Variants in CRTC2 observed in about 807,000 individuals in gnomAD.
CRTC2 encodes the protein CREB-regulated transcription coactivator 2.
Under a neutral mutation model 70.9 loss-of-function variants are expected in CRTC2, and 25 were observed. That is an observed-to-expected ratio of 0.35 (90% CI 0.26 to 0.49). CRTC2 has a LOEUF of 0.49. Among genes scored for constraint, CRTC2 ranks in the 20% least tolerant of loss-of-function variants. The probability of loss-of-function intolerance (pLI) is 0.98; values close to 1 mark genes in which losing one functional copy is unlikely to be tolerated. For synonymous variants in CRTC2, 330 were observed against 364.1 expected (o/e 0.91, Z 1.07); for missense variants, 737 against 882.6 (o/e 0.83, Z 2.09).
intron 5 of CRTC2, 31 bp downstream of exon 5, chr1:153,953,507 G>T: frequency 6.3e-7 from 1 of 1,595,498 alleles, no homozygotes; most frequent in Non-Finnish European, 8.6e-7. Flanking sequence ...ACAGATAAGA[G>T]ATCTGGCCTA....
In CRTC2 at chr1:153,949,206, T is replaced by G; in HGVS notation, c.1583A>C (p.Gln528Pro). Residue 528 changes from glutamine to proline, a missense_variant, in exon 12 of 14, where the codon CAG becomes CCG. Physicochemically the swap from Gln to Pro is moderately conservative, Grantham distance 76. Transcript: ENST00000368633. ...QSSGGQPPGR[Q>P]SHYGTPYPPG... ...TGGGTACGGTGTCCCATAATGAGACTGCCTGCCTGGGGGCTGCCCACCTGA... is the reference window on the plus strand; with the variant it reads ...TGGGTACGGTGTCCCATAATGAGACGGCCTGCCTGGGGGCTGCCCACCTGA... 6.2e-7 allele frequency: 1 copy of G among 1,614,130 alleles called. No individual in the cohort carries two copies. The highest frequency in any genetic ancestry group is 8.5e-7 in the Non-Finnish European group (1 of 1,180,010).
In CRTC2 at chr1:153,955,159, G is replaced by A. The variant is rs777779021; in HGVS notation, c.161C>T (p.Ala54Val). The change falls in exon 2 of 14, where the codon GCC (alanine) becomes GTC (valine). Residue 54 changes from alanine (A) to valine (V), a missense_variant. Around this residue, in one of 3 missense-constraint regions of CRTC2, gnomAD observed 699 missense variants for 823.7 expected, o/e 0.85. Coordinates refer to ENST00000368633, the MANE Select transcript of CRTC2 (RefSeq NM_181715.3). ...MMDIGSTRLQ[A>V]QKLRLAYTRS... ...TGTGTATGCCAGTCGCAGTTTTTGG[G>A]CCTGTAACTGAGACATGGGGAACAA... is the stretch of plus-strand genomic sequence containing the variant. 1 of 1,613,184 alleles carries A rather than the reference G, an allele frequency of 6.2e-7. No individual in the cohort carries two copies. The highest frequency in any genetic ancestry group is 8.5e-7 in the Non-Finnish European group (1 of 1,179,322).
Position 153,952,145 on chromosome 1 carries a change from G to C in CRTC2, c.870C>G (p.Pro290=), listed in dbSNP as rs772620203. The C allele has an allele frequency of 1.2e-5, 19 of 1,614,054 alleles. No individual in the cohort carries two copies. Among genetic ancestry groups the C allele is most frequent in the East Asian group, 2.2e-5 (1 of 44,898 alleles). ...GGTAGGCTGTCTCTTCAGGGTCCAG[G>C]GGGGTGGGCAGTGGTGGGGGAAAGT... ...NLHFPPPLPT[P]LDPEETAYPS... Residue 290 remains proline, a synonymous_variant, in exon 10 of 14, where the codon CCC becomes CCG. Coordinates refer to ENST00000368633, the MANE Select transcript of CRTC2 (RefSeq NM_181715.3).
At chr1:153,949,456 A>T (rs1680207438) in intron 11 of CRTC2, 72 bp from the exon 12 acceptor site, 1 of 1,464,002 alleles carries the variant, frequency 6.8e-7, no homozygotes, top group African/African-American at 1.4e-5. Context: ...AGAGCTTCCC[A>T]CCTTCTTTAG....
Position 153,948,345 on chromosome 1 carries a change from A to C in CRTC2, c.1862-16T>G. The C allele has an allele frequency of 6.2e-7, 1 of 1,614,106 alleles. No homozygotes were observed. Among genetic ancestry groups the C allele is most frequent in the Non-Finnish European group, 8.5e-7 (1 of 1,179,924 alleles). ...GAGGAGTCCCCTGTGGGTAGAAGAGACAGGTGAGGACCCCATGTCCTGTAA... is the reference window on the plus strand; with the variant it reads ...GAGGAGTCCCCTGTGGGTAGAAGAGCCAGGTGAGGACCCCATGTCCTGTAA... On this transcript the variant is annotated splice_polypyrimidine_tract_variant and intron_variant, in intron 13 of 13. Transcript: ENST00000368633.
At chr1:153,954,721 G>T (rs913728365) in intron 3 of CRTC2, 152 bp downstream of exon 3, 10 of 678,490 alleles carry the variant, frequency 1.5e-5, no homozygotes, top group Non-Finnish European at 2.6e-5. Context: ...AGGTGCTGAC[G>T]CAGGGGCTAT....
Position 153,958,534 on chromosome 1 carries a change from CCAGCCGCGGCCTCCGCCGCGGCCT to C in CRTC2, c.-61_-38del. The C allele has an allele frequency of 1.3e-6, 2 of 1,550,908 alleles. No individual in the cohort carries two copies. Among genetic ancestry groups the C allele is most frequent in the South Asian group, 2.4e-5 (2 of 84,868 alleles). ...GTCCCTCCCTGCCACCCTCCCAGTA[CCAGCCGCGGCCTCCGCCGCGGCCT>C]CGGCCCGGCTCCTCCAGCCGTAGCC... On this transcript the variant is annotated 5_prime_UTR_variant, in exon 1 of 14. Coordinates refer to ENST00000368633, the MANE Select transcript of CRTC2 (RefSeq NM_181715.3).
chr1:153,950,854 AG>A (rs1680279155), intron 11 of CRTC2, among the ~76,000 whole-genome samples: 1 of 152,222 alleles, frequency 6.6e-6, no homozygotes, highest in African/African-American at 2.4e-5. Context: ...ACAGGAACAG[AG>A]GAGGCAAATA....
Position 153,951,425 on chromosome 1 carries a change from G to A in CRTC2, c.1239C>T (p.Ala413=). 6.2e-7 allele frequency: 1 copy of A among 1,605,082 alleles called. No homozygotes were observed. The highest frequency in any genetic ancestry group is 8.5e-7 in the Non-Finnish European group (1 of 1,175,452). The stretch of plus-strand genomic sequence containing the variant: ...CAGGGGTAGAAGCAGGGTAAGAGGG[G>A]GCGCCCAAAACAGGAGATGAAGTGG... The part of the protein sequence containing the change: ...SSSTSSPVLG[A]PSYPASTPGA... The change falls in exon 11 of 14, where the codon GCC becomes GCT. Residue 413 remains alanine, a synonymous_variant. Coordinates refer to ENST00000368633, the MANE Select transcript of CRTC2 (RefSeq NM_181715.3).
chr1:153,949,033 G>A lies in CRTC2; in HGVS notation c.1674+82C>T, dbSNP rs549007441. 10 of 1,453,558 alleles carry A rather than the reference G, an allele frequency of 6.9e-6. No individual in the cohort carries two copies. The African/African-American group carries it at 1.4e-4, about 21-fold the overall frequency. The allele number at this position is 1,453,558 out of a possible 1,614,324, so 90.0% of individuals were successfully genotyped here. A position where few individuals can be genotyped will look rare whatever the true frequency, so the allele number is the denominator to read the frequency against. ...CCCCACCTAGATCTCCCCATTCACAGTGCACCAGCCATGCCATTCAGGCCC... is the reference window on the plus strand; with the variant it reads ...CCCCACCTAGATCTCCCCATTCACAATGCACCAGCCATGCCATTCAGGCCC... On this transcript the variant is annotated intron_variant, in intron 12 of 13. Transcript: ENST00000368633.
At position 153,953,597 on chromosome 1, in the gene CRTC2, G is replaced by T. The variant is rs141182320; in HGVS notation, c.444C>A (p.Ala148=). 1.2e-5 allele frequency: 19 copies of T among 1,610,142 alleles called. No homozygotes were observed. In the African/African-American group the frequency reaches 2.3e-4, roughly 19 times the overall value. Reference sequence around the variant, plus strand: ...CCTTCTCTGCAGGGAAATTGCCCCAGGCCATCGTCCTGGGGTAGAAAAACA... The same window carrying T: ...CCTTCTCTGCAGGGAAATTGCCCCATGCCATCGTCCTGGGGTAGAAAAACA... The part of the protein sequence containing the change: ...PPESSWRRTM[A]WGNFPAEKGQ... Residue 148 remains alanine (A), a synonymous_variant, in exon 5 of 14, where the codon GCC becomes GCA. Transcript: ENST00000368633.
rs755494891 is a variant in CRTC2, at chr1:153,949,403, A to C, written c.1405-19T>G. On this transcript the variant is annotated intron_variant, in intron 11 of 13. Transcript: ENST00000368633. ...GGACGCCCTGAAAAGAAGTAAAAAG[A>C]GGGAAGCTTACTGCTCAGTGTATAC... 6.3e-6 allele frequency: 10 copies of C among 1,590,298 alleles called. No individual in the cohort carries two copies. In the South Asian group the frequency reaches 8.0e-5, roughly 13 times the overall value.
chr1:153,951,136 G>C, intron 11 of CRTC2, 124 bp downstream of exon 11: 2 of 1,053,802 alleles, frequency 1.9e-6, no homozygotes, highest in Admixed American at 4.3e-5. Context: ...GGCAGGCGGA[G>C]GACAGAGGAA....
chr1:153,953,196 A>T (rs1680448617), intron 6 of CRTC2, 70 bp downstream of exon 6: 6 of 829,844 alleles, frequency 7.2e-6, no homozygotes, highest in Non-Finnish European at 1.1e-5. Context: ...AAAGAAAGAA[A>T]TAATAAATAA....
intron 1 of CRTC2, among the ~76,000 whole-genome samples, chr1:153,956,324 C>T (rs1453691815): frequency 6.6e-6 from 1 of 152,266 alleles, no homozygotes; most frequent in East Asian, 1.9e-4. Context: ...CTCATCCTCA[C>T]TTTGGGGAGC....
rs760822150 is a variant in CRTC2, at chr1:153,952,029, T to C, written c.986A>G (p.Tyr329Cys). The change falls in exon 10 of 14, where the codon TAT (tyrosine) becomes TGT (cysteine). Residue 329 changes from tyrosine to cysteine, a missense_variant. Transcript: ENST00000368633. ...GGACAGTCACTCACCTGGTGCATCATAGCCTGGGCCCAGGCCCATGCCCCT... is the reference window on the plus strand; with the variant it reads ...GGACAGTCACTCACCTGGTGCATCACAGCCTGGGCCCAGGCCCATGCCCCT... Reference protein sequence around the residue: ...ISRGMGLGPGYDAPGLHSPLS... With the variant: ...ISRGMGLGPGCDAPGLHSPLS... 32 of 1,613,294 alleles carry C rather than the reference T, an allele frequency of 2.0e-5. No homozygotes were observed. The South Asian group carries it at 2.7e-4, about 14-fold the overall frequency.
chr1:153,951,233 A>C (rs1485664166), intron 11 of CRTC2, 27 bp downstream of exon 11: 2 of 1,610,702 alleles, frequency 1.2e-6, no homozygotes, highest in Non-Finnish European at 1.7e-6. Context: ...AGGGAGACAG[A>C]CATGCAGGGA....
rs754905634 is a variant in CRTC2, at chr1:153,958,454, G to A, written c.44C>T (p.Ser15Leu). The change falls in exon 1 of 14, where the codon TCG (serine) becomes TTG (leucine). Residue 15 changes from serine to leucine, a missense_variant. Ser to Leu is a moderately radical substitution (Grantham distance 145). Around this residue, in one of 3 missense-constraint regions of CRTC2, gnomAD observed 29 missense variants for 25.5 expected, o/e 1.14. Coordinates refer to ENST00000368633, the MANE Select transcript of CRTC2 (RefSeq NM_181715.3). ...ACTAAATTTGCGCGGATTGGAAGCC[G>A]AGGCCGTGGCCGAACCAGGCCCGTT... ...GANGPGSATASASNPRKFSEK... is the reference protein window; with the variant it reads ...GANGPGSATALASNPRKFSEK... 4 of 1,613,334 alleles carry A rather than the reference G, an allele frequency of 2.5e-6. No individual in the cohort carries two copies. The Admixed American group carries it at 5.0e-5, about 20-fold the overall frequency.
In CRTC2 at chr1:153,958,519, G is replaced by T; in HGVS notation, c.-22C>A. ...CCATCTTCCTTCCCCGTCCCTCCCT[G>T]CCACCCTCCCAGTACCAGCCGCGGC... On this transcript the variant is annotated 5_prime_UTR_variant, in exon 1 of 14. Coordinates refer to ENST00000368633, the MANE Select transcript of CRTC2 (RefSeq NM_181715.3). The T allele has an allele frequency of 6.3e-7, 1 of 1,598,510 alleles. No homozygotes were observed.
Sources: gnomAD v4.1 joint callset for allele counts (sites outside exome capture counted in the v4.1 genomes callset) on GRCh38, gnomAD v4.1.1 for gene constraint, gnomAD v4.1.1 regional missense constraint, MANE v1.5 for transcripts, NCBI Gene and HGNC (gene_info 2026-07-23, HGNC 2026-07-21) for gene names.